The following GABRA5 variants were observed in gnomAD, a reference collection of about 807,000 sequenced individuals.
The protein encoded by GABRA5 is gamma-aminobutyric acid receptor subunit alpha-5.
A neutral mutation model predicts 47.3 loss-of-function variants in GABRA5; 18 were observed. That is an observed-to-expected ratio of 0.38 (90% CI 0.26 to 0.56). GABRA5 has a LOEUF of 0.56. Among genes scored for constraint, GABRA5 ranks in the 20% least tolerant of loss-of-function variants. The pLI, the probability that GABRA5 is intolerant of heterozygous loss-of-function variation, is 0.71. For missense variants in GABRA5, 365 were observed against 599.3 expected (o/e 0.61, Z 4.08); for synonymous variants, 237 against 229.3 (o/e 1.03, Z -0.30).
intron 9 of GABRA5, among the ~76,000 whole-genome samples, chr15:26,941,176 A>G (rs745945453): frequency 6.6e-6 from 1 of 152,112 alleles, no homozygotes; most frequent in Non-Finnish European, 1.5e-5. Flanking sequence ...GGATTGTTTC[A>G]GGAAGGTGTG....
At chr15:26,932,220 T>C (rs923998535) in intron 7 of GABRA5, among the ~76,000 whole-genome samples, 1 of 152,252 alleles carries the variant, frequency 6.6e-6, no homozygotes, top group Non-Finnish European at 1.5e-5. Flanking sequence ...AAGCTATCCA[T>C]CTGACAATTG....
At chr15:26,894,139 G>T (rs895926414) in intron 6 of GABRA5, among the ~76,000 whole-genome samples, 1 of 152,120 alleles carries the variant, frequency 6.6e-6, no homozygotes, top group Non-Finnish European at 1.5e-5. Flanking sequence ...CTGCCCAGAC[G>T]GCGCCGGACC....
intron 3 of GABRA5, among the ~76,000 whole-genome samples, chr15:26,878,462 T>A (rs1892650604): frequency 6.6e-6 from 1 of 152,030 alleles, no homozygotes; most frequent in African/African-American, 2.4e-5. Flanking sequence ...TTTTTGAGGA[T>A]GGCCTATGGA....
chr15:26,945,201 G>T (rs1361073109), intron 10 of GABRA5, among the ~76,000 whole-genome samples: 1 of 152,138 alleles, frequency 6.6e-6, no homozygotes, highest in African/African-American at 2.4e-5. Flanking sequence ...TGCCAGGAAG[G>T]CTCTGCGTGC....
In GABRA5 at chr15:26,880,918, G is replaced by C; in HGVS notation, c.159G>C (p.Leu53Phe). 6.2e-7 allele frequency: 1 copy of C among 1,614,008 alleles called. No individual in the cohort carries two copies. Reference sequence around the variant, plus strand: ...ACATCACGATATTTACCAGGATCTTGGATGGGCTCTTGGATGGCTACGACA... The same window carrying C: ...ACATCACGATATTTACCAGGATCTTCGATGGGCTCTTGGATGGCTACGACA... ...NDNITIFTRI[L>F]DGLLDGYDNR... The change falls in exon 4 of 11, where the codon TTG (leucine) becomes TTC (phenylalanine). Residue 53 changes from leucine to phenylalanine, a missense_variant. Leu to Phe is a conservative substitution (Grantham distance 22). This residue lies in a region of GABRA5 where 216 missense variants were observed against 335.3 expected (regional missense o/e 0.64). Transcript: ENST00000335625.
intron 8 of GABRA5, among the ~76,000 whole-genome samples, chr15:26,938,985 T>A (rs915836102): frequency 2.6e-5 from 4 of 152,196 alleles, no homozygotes; most frequent in Non-Finnish European, 5.9e-5. Flanking sequence ...AGACCACTAC[T>A]CTGACAGACA....
intron 7 of GABRA5, among the ~76,000 whole-genome samples, chr15:26,936,355 C>T (rs1894243549): frequency 6.6e-6 from 1 of 152,166 alleles, no homozygotes. Flanking sequence ...CCAGCCTAGT[C>T]ACATCTTTTA....
At chr15:26,947,391 C>G (rs1253469486) in intron 10 of GABRA5, among the ~76,000 whole-genome samples, 1 of 151,770 alleles carries the variant, frequency 6.6e-6, no homozygotes, top group African/African-American at 2.4e-5. Flanking sequence ...TCTGTTGTTC[C>G]TCTCTTTGTG....
intron 9 of GABRA5, among the ~76,000 whole-genome samples, chr15:26,940,842 G>C (rs928065950): frequency 6.6e-6 from 1 of 152,186 alleles, no homozygotes; most frequent in Admixed American, 6.5e-5. Flanking sequence ...ACAGTTGAGC[G>C]TCTGAGTCTT....
chr15:26,915,069 A>C (rs1461819881), intron 7 of GABRA5, among the ~76,000 whole-genome samples, 184 bp downstream of exon 7: 1 of 152,204 alleles, frequency 6.6e-6, no homozygotes. Flanking sequence ...GGTCATTAAC[A>C]CCTGCCATAC....
At chr15:26,910,947 C>T (rs2140290049) in intron 6 of GABRA5, among the ~76,000 whole-genome samples, 1 of 152,286 alleles carries the variant, frequency 6.6e-6, no homozygotes, top group East Asian at 1.9e-4. Flanking sequence ...AAGCATTCCA[C>T]ATTTCAAGAG....
At chr15:26,877,523 A>C in intron 3 of GABRA5, 3 of 311,904 alleles carry the variant, frequency 9.6e-6, no homozygotes, top group South Asian at 7.7e-5. Context: ...AGTAATTTCC[A>C]GTCAAAATAC....
intron 3 of GABRA5, among the ~76,000 whole-genome samples, chr15:26,876,491 A>C (rs1291262330): frequency 6.6e-6 from 1 of 152,078 alleles, no homozygotes; most frequent in Admixed American, 6.6e-5. Context: ...CCTGAGGCCC[A>C]GTGGAAAGGA....
At chr15:26,874,034 C>T (rs927494517) in intron 3 of GABRA5, among the ~76,000 whole-genome samples, 3 of 152,196 alleles carry the variant, frequency 2.0e-5, no homozygotes, top group Non-Finnish European at 2.9e-5. Context: ...AGTCGGCCAG[C>T]GCAGCTCTCC....
At chr15:26,881,787 C>T (rs1892734723) in intron 4 of GABRA5, among the ~76,000 whole-genome samples, 1 of 152,146 alleles carries the variant, frequency 6.6e-6, no homozygotes, top group Non-Finnish European at 1.5e-5. Context: ...GCAACCTCTG[C>T]CTCCCAGGTT....
At chr15:26,916,330 T>G (rs549920040) in intron 7 of GABRA5, among the ~76,000 whole-genome samples, 1 of 152,220 alleles carries the variant, frequency 6.6e-6, no homozygotes, top group Non-Finnish European at 1.5e-5. Context: ...TTGAAGAGAT[T>G]ATCTTTTCCT....
chr15:26,930,458 C>G (rs1381038205), intron 7 of GABRA5, among the ~76,000 whole-genome samples: 2 of 152,166 alleles, frequency 1.3e-5, no homozygotes, highest in African/African-American at 4.8e-5. Context: ...GTTCCACCTT[C>G]CACGAAAACT....
intron 3 of GABRA5, among the ~76,000 whole-genome samples, chr15:26,872,019 C>T (rs1287299342): frequency 6.6e-6 from 1 of 152,144 alleles, no homozygotes; most frequent in Non-Finnish European, 1.5e-5. Flanking sequence ...TCTAGCAAAG[C>T]GGGAAGCCAG....
chr15:26,908,305 C>T (rs778634540), intron 6 of GABRA5, among the ~76,000 whole-genome samples: 1 of 152,152 alleles, frequency 6.6e-6, no homozygotes, highest in Non-Finnish European at 1.5e-5. Context: ...TGTGAATCTC[C>T]TCTTCCATCC....
Sources: allele counts gnomAD v4.1 joint callset (sites outside exome capture counted in the v4.1 genomes callset), GRCh38; gene constraint gnomAD v4.1.1; regional missense constraint gnomAD v4.1.1; transcripts MANE v1.5; gene names NCBI Gene and HGNC (gene_info 2026-07-23, HGNC 2026-07-21).